Variants in MTCL1 observed in about 807,000 individuals in gnomAD.
MTCL1 encodes the protein microtubule cross-linking factor 1.
In MTCL1, 79 loss-of-function variants were observed where a neutral mutation model predicts 141.4. The observed-to-expected ratio is 0.56, with a 90% CI of 0.47 to 0.67. The LOEUF is 0.67. Ranked by LOEUF, MTCL1 falls within the 30% of genes least tolerant of loss-of-function variation. The pLI, the probability that MTCL1 is intolerant of heterozygous loss-of-function variation, is 0.00. For missense variants in MTCL1, 2,177 were observed against 2,113.9 expected (o/e 1.03, Z -0.59); for synonymous variants, 914 against 875.8 (o/e 1.04, Z -0.77).
At chr18:8,705,591 C>A, upstream of MTCL1, 1 of 1,019,632 alleles carries the variant, frequency 9.8e-7, no homozygotes, top group Non-Finnish European at 1.2e-6. This position sits in a 1 kb window ranked among gnomAD's most constrained non-coding sequence, Gnocchi z 5.2. Context: ...CTGCACGCCG[C>A]CGCCGCCGCC....
chr18:8,777,833 A>G, exon 5 of MTCL1: 1 of 1,613,878 alleles, frequency 6.2e-7, no homozygotes, highest in Non-Finnish European at 8.5e-7. Flanking sequence ...TCTATTTCAG[A>G]GTTCCCTAAA....
chr18:8,802,320 T>C (rs1466759381), intron 10 of MTCL1: 3 of 152,186 alleles, frequency 2.0e-5, no homozygotes, highest in African/African-American at 7.2e-5. Context: ...GTGACTGGCG[T>C]TTTGTGGGTT....
Position 8,777,993 on chromosome 18 carries a change from A to G in MTCL1, c.417+101A>G, listed in dbSNP as rs146648024. 9,622 of 1,100,432 alleles carry G rather than the reference A, an allele frequency of 8.7e-3. 82 individuals are homozygous for G. The highest frequency in any genetic ancestry group is 0.041 in the Middle Eastern group (192 of 4,690). 68.2% of individuals were successfully genotyped at this position (1,100,432 alleles called of 1,614,324 possible). ...TGTTAGCTTTGCCTTTAAAACATCC[A>G]AAGAAACATTACCTGCCCAAACACG... is the stretch of plus-strand genomic sequence containing the variant. On this transcript the variant is annotated intron_variant, in intron 5 of 16. Transcript: ENST00000359865.
At chr18:8,727,327 G>T (rs2096222447) in intron 4 of MTCL1, among the ~76,000 whole-genome samples, 1 of 152,082 alleles carries the variant, frequency 6.6e-6, no homozygotes, top group Non-Finnish European at 1.5e-5. Flanking sequence ...AGATTGCTGG[G>T]TTGAATGGTA....
At position 8,794,490 on chromosome 18, in the gene MTCL1, C is replaced by T. The variant is rs190037866; in HGVS notation, c.2010+1370C>T. Among the ~76,000 whole-genome samples, 9 of 152,300 alleles carry T rather than the reference C, an allele frequency of 5.9e-5. No homozygotes were observed. The East Asian group carries it at 1.3e-3, about 23-fold the overall frequency. ...AGAAGGCTCTCCAGGAGGGCCTAGG[C>T]GCGGTGCTGCTGATGCTGCCTCCCG... is the stretch of plus-strand genomic sequence containing the variant. On this transcript the variant is annotated intron_variant, in intron 8 of 16. Transcript: ENST00000359865.
At chr18:8,732,268 A>AATTT (rs1218246658) in intron 4 of MTCL1, among the ~76,000 whole-genome samples, 1 of 151,234 alleles carries the variant, frequency 6.6e-6, no homozygotes, top group Non-Finnish European at 1.5e-5. Flanking sequence ...TGATTTTTTA[A>AATTT]ATTTATTTAT....
chr18:8,772,876 A>G (rs1434086784), intron 4 of MTCL1, among the ~76,000 whole-genome samples: 5 of 151,978 alleles, frequency 3.3e-5, no homozygotes, highest in Non-Finnish European at 7.4e-5. Context: ...TGTACTAGTG[A>G]TTTGTTAAGA....
chr18:8,731,069 C>G (rs2096247817), intron 4 of MTCL1, among the ~76,000 whole-genome samples: 1 of 151,768 alleles, frequency 6.6e-6, no homozygotes, highest in Non-Finnish European at 1.5e-5. Flanking sequence ...CACGGTGAAA[C>G]CCCATCTCTA....
chr18:8,799,519 G>A (rs2076044079), intron 10 of MTCL1, among the ~76,000 whole-genome samples: 1 of 152,188 alleles, frequency 6.6e-6, no homozygotes, highest in South Asian at 2.1e-4. Context: ...GAGAATTTAG[G>A]TCATGGAATG....
Position 8,818,910 on chromosome 18 carries a change from G to A in MTCL1, c.2860-53G>A, listed in dbSNP as rs577552183. ...TGTGGAGAAACGATGTTCTTAGGGA[G>A]ACCATCAGACAGAAAAGTGAGGCTA... is the stretch of plus-strand genomic sequence containing the variant. On this transcript the variant is annotated intron_variant, in intron 12 of 16. Transcript: ENST00000359865. 3.8e-5 allele frequency: 58 copies of A among 1,544,386 alleles called. No homozygotes were observed. In the East Asian group the frequency reaches 1.3e-3, roughly 34 times the overall value.
chr18:8,744,523 T>C (rs1195957465), intron 4 of MTCL1, among the ~76,000 whole-genome samples: 1 of 152,220 alleles, frequency 6.6e-6, no homozygotes, highest in Non-Finnish European at 1.5e-5. Flanking sequence ...TTCTCCTGGT[T>C]TTCATTTCTC....
upstream of MTCL1, among the ~76,000 whole-genome samples, chr18:8,716,108 G>T (rs1254421074): frequency 2.6e-5 from 4 of 152,232 alleles, no homozygotes; most frequent in Admixed American, 2.6e-4. Flanking sequence ...TCAGTGTTAA[G>T]ATTGATCTTT....
chr18:8,713,704 C>T (rs552602836), upstream of MTCL1, among the ~76,000 whole-genome samples: 1 of 152,306 alleles, frequency 6.6e-6, no homozygotes, highest in East Asian at 1.9e-4. Flanking sequence ...GAAACACTGG[C>T]CCTGGTCCTA....
exon 15 of MTCL1, chr18:8,825,623 C>A (rs762531318): frequency 1.9e-6 from 3 of 1,613,876 alleles, no homozygotes; most frequent in Non-Finnish European, 2.5e-6. Flanking sequence ...GACAGGTGGC[C>A]CCTGCCATCG....
chr18:8,825,787 G>A (rs374048104), exon 15 of MTCL1: 6 of 1,613,982 alleles, frequency 3.7e-6, no homozygotes, highest in East Asian at 2.2e-5. Context: ...GCCTGGGCCC[G>A]CTCCACCACC....
chr18:8,737,013 G>A (rs540616881), intron 4 of MTCL1, among the ~76,000 whole-genome samples: 1 of 152,240 alleles, frequency 6.6e-6, no homozygotes, highest in South Asian at 2.1e-4. Flanking sequence ...GAAACCTCAG[G>A]AGGCATGAGG....
chr18:8,784,657 C>G (rs763832411), exon 6 of MTCL1: 7 of 1,614,070 alleles, frequency 4.3e-6, no homozygotes, highest in Non-Finnish European at 5.9e-6. Flanking sequence ...TGGGGACCAT[C>G]AACGCCAAGA....
chr18:8,739,342 A>G (rs7229068), intron 4 of MTCL1, among the ~76,000 whole-genome samples: 2,266 of 152,312 alleles, frequency 0.015, 45 homozygotes, highest in African/African-American at 0.051. Flanking sequence ...ACCAGAAAGC[A>G]CACCCTCCAA....
intron 11 of MTCL1, 96 bp downstream of exon 10, chr18:8,807,156 GGGCTTCTTGTCCA>G: frequency 7.0e-6 from 9 of 1,279,922 alleles, no homozygotes; most frequent in Non-Finnish European, 9.5e-6. Flanking sequence ...TCAGAACCAT[GGGCTTCTTGTCCA>G]GGAAAAAAAG....
Sources: gnomAD v4.1 joint callset for allele counts (sites outside exome capture counted in the v4.1 genomes callset) on GRCh38, gnomAD v4.1.1 for gene constraint, Gnocchi (gnomAD v3.1) non-coding constraint, MANE v1.5 for transcripts, NCBI Gene and HGNC (gene_info 2026-07-23, HGNC 2026-07-21) for gene names.